The following ITPR3 variants were observed in gnomAD, a reference collection of about 807,000 sequenced individuals.
ITPR3 encodes inositol 1,4,5-trisphosphate receptor type 3, also known as inositol 1,4,5-trisphosphate-gated calcium channel ITPR3.
A neutral mutation model predicts 293.2 loss-of-function variants in ITPR3; 173 were observed. That is an observed-to-expected ratio of 0.59 (90% CI 0.52 to 0.67). The LOEUF (loss-of-function observed/expected upper bound fraction) is 0.67. ITPR3 is among the 30% of genes least tolerant of loss of function. The probability of loss-of-function intolerance (pLI) is 0.00; values close to 1 mark genes in which losing one functional copy is unlikely to be tolerated. For missense variants in ITPR3, 2,796 were observed against 3,592.1 expected (o/e 0.78, Z 5.66); for synonymous variants, 1,295 against 1,444.4 (o/e 0.90, Z 2.35).
intron 1 of ITPR3, among the ~76,000 whole-genome samples, chr6:33,628,125 C>T (rs1222882817): frequency 6.6e-6 from 1 of 152,228 alleles, no homozygotes; most frequent in African/African-American, 2.4e-5. Flanking sequence ...TGGGGCCACA[C>T]CAGCTTTCTG....
intron 24 of ITPR3, among the ~76,000 whole-genome samples, chr6:33,674,838 G>C (rs190252515): frequency 6.2e-4 from 95 of 152,290 alleles, no homozygotes; most frequent in African/African-American, 2.0e-3. Context: ...TTACTAATAC[G>C]TAAAGTAGCG....
intron 7 of ITPR3, 77 bp from the exon 8 acceptor site, chr6:33,662,451 G>C (rs1228176917): frequency 4.7e-6 from 7 of 1,492,160 alleles, no homozygotes; most frequent in Non-Finnish European, 5.4e-6. Context: ...GTCTGAGGCA[G>C]GTGGGGCTGG....
Position 33,664,944 on chromosome 6 carries a change from A to G in ITPR3, c.1223A>G (p.Glu408Gly). 2.0e-6 allele frequency: 3 copies of G among 1,521,916 alleles called. No individual in the cohort carries two copies. The highest frequency in any genetic ancestry group is 3.0e-5 in the African/African-American group (2 of 67,738). The allele number at this position is 1,521,916 out of a possible 1,614,324, so 94.3% of individuals were successfully genotyped here. A position where few individuals can be genotyped will look rare whatever the true frequency, so the allele number is the denominator to read the frequency against. ...AGCACCAATGTGCCCATTGACATCGAGGAGGAGCGGCCCATCCGGCTCATG... is the reference window on the plus strand; with the variant it reads ...AGCACCAATGTGCCCATTGACATCGGGGAGGAGCGGCCCATCCGGCTCATG... ...IQSTNVPIDI[E>G]EERPIRLMLG... Residue 408 changes from glutamate to glycine, a missense_variant, in exon 12 of 58, where the codon GAG (glutamate) becomes GGG (glycine). Glu to Gly is a moderately conservative substitution (Grantham distance 98). Transcript: ENST00000605930. This position sits in a 1 kb window ranked among gnomAD's most constrained non-coding sequence, Gnocchi z 4.4.
In ITPR3 at chr6:33,654,987, T is replaced by G. The variant is rs932301821; in HGVS notation, c.161-779T>G. Among the ~76,000 whole-genome samples the G allele has an allele frequency of 6.6e-6, 1 of 152,240 alleles. No homozygotes were observed. The highest frequency in any genetic ancestry group is 1.5e-5 in the Non-Finnish European group (1 of 68,034). On this transcript the variant is annotated intron_variant, in intron 2 of 57. Coordinates refer to ENST00000605930, the MANE Select transcript of ITPR3 (RefSeq NM_002224.4). This position sits in a 1 kb window ranked among gnomAD's most constrained non-coding sequence, Gnocchi z 4.1. ...AAAAATTGGACACCCTTCCTGCAGCTTAGGCTTATGGGAATGACACTTGTT... is the reference window on the plus strand; with the variant it reads ...AAAAATTGGACACCCTTCCTGCAGCGTAGGCTTATGGGAATGACACTTGTT...
rs1012497243 is a variant in ITPR3, at chr6:33,664,101, T to C, written c.1148+221T>C. Among the ~76,000 whole-genome samples the C allele has an allele frequency of 2.0e-5, 3 of 152,234 alleles. No homozygotes were observed. Among genetic ancestry groups the C allele is most frequent in the Non-Finnish European group, 2.9e-5 (2 of 68,038 alleles). On this transcript the variant is annotated intron_variant, in intron 11 of 57. Transcript: ENST00000605930. The surrounding 1 kb of genome is among the most constrained non-coding windows in gnomAD (Gnocchi z 4.4). ...TGCCTGGCGCCTGCCCCAGTTGGTC[T>C]GGGTGCTCAAGCACAGGCTGCATGG...
In ITPR3 at chr6:33,680,636, G is replaced by T; in HGVS notation, c.4432G>T (p.Ala1478Ser). The change falls in exon 33 of 58, where the codon GCC becomes TCC. Residue 1478 changes from alanine (A) to serine (S), a missense_variant. Coordinates refer to ENST00000605930, the MANE Select transcript of ITPR3 (RefSeq NM_002224.4). ...GAGCGTTGTGCTGGACACCATCAACGCCTTCTTCAGCTCCCCATTCTCTGA... is the reference window on the plus strand; with the variant it reads ...GAGCGTTGTGCTGGACACCATCAACTCCTTCTTCAGCTCCCCATTCTCTGA... Reference protein sequence around the residue: ...VLSVVLDTINAFFSSPFSENS... With the variant: ...VLSVVLDTINSFFSSPFSENS... 2 of 1,614,054 alleles carry T rather than the reference G, an allele frequency of 1.2e-6. No individual in the cohort carries two copies. Among genetic ancestry groups the T allele is most frequent in the Non-Finnish European group, 1.7e-6 (2 of 1,179,978 alleles).
intron 6 of ITPR3, 101 bp downstream of exon 6, chr6:33,659,220 T>C: frequency 1.7e-6 from 2 of 1,160,532 alleles, no homozygotes; most frequent in South Asian, 1.3e-5. Flanking sequence ...TCCAGCCCCA[T>C]CTGACCTGCC....
Position 33,672,456 on chromosome 6 carries a change from C to T in ITPR3, c.2928+228C>T, listed in dbSNP as rs1003572295. ...ATTCTCGGTTGTGCGCAGTGACTCA[C>T]GCCTGTAATCCCAGTGCTTTGGGAG... On this transcript the variant is annotated intron_variant, in intron 22 of 57. Transcript: ENST00000605930. The surrounding 1 kb of genome is among the most constrained non-coding windows in gnomAD (Gnocchi z 5.0). Among the ~76,000 whole-genome samples, 2 of 152,114 alleles carry T rather than the reference C, an allele frequency of 1.3e-5. No individual in the cohort carries two copies. The highest frequency in any genetic ancestry group is 2.1e-4 in the South Asian group (1 of 4,822).
rs531970762 is a variant in ITPR3 at position 33,677,719 on chromosome 6, C to T, written c.3648+90C>T. The T allele has an allele frequency of 1.6e-4, 231 of 1,482,282 alleles. No individual in the cohort carries two copies. The East Asian group carries it at 2.1e-3, about 13-fold the overall frequency. 91.8% of individuals were successfully genotyped at this position (1,482,282 alleles called of 1,614,324 possible). On this transcript the variant is annotated intron_variant, in intron 28 of 57. Transcript: ENST00000605930. ...TATGCTAGGCCCTAATGCAGGCAACCTCTCCCAGCCTCGCCTGGCCTCTTA... is the reference window on the plus strand; with the variant it reads ...TATGCTAGGCCCTAATGCAGGCAACTTCTCCCAGCCTCGCCTGGCCTCTTA...
chr6:33,663,335 A>G (rs986742228), intron 9 of ITPR3, among the ~76,000 whole-genome samples, 165 bp from the exon 10 acceptor site: 1 of 151,994 alleles, frequency 6.6e-6, no homozygotes, highest in African/African-American at 2.4e-5. Context: ...GGTTCTATGG[A>G]GAGGGGCCAT....
intron 1 of ITPR3, among the ~76,000 whole-genome samples, chr6:33,629,260 C>T (rs1162342432): frequency 6.6e-6 from 1 of 152,050 alleles, no homozygotes; most frequent in African/African-American, 2.4e-5. Context: ...ATTATACATC[C>T]CTATGTAACT....
intron 1 of ITPR3, 96 bp from the exon 2 acceptor site, chr6:33,640,388 G>A (rs1210510982): frequency 2.1e-5 from 23 of 1,092,814 alleles, no homozygotes; most frequent in Non-Finnish European, 2.7e-5. Context: ...TATCTTAGGG[G>A]CTCACTGGTA....
intron 57 of ITPR3, 104 bp downstream of exon 57, chr6:33,695,189 G>A (rs1247460788): frequency 3.1e-6 from 4 of 1,303,638 alleles, no homozygotes; most frequent in Non-Finnish European, 4.2e-6. Context: ...CTGGCCTCTG[G>A]CCCTGGGCCT....
intron 2 of ITPR3, among the ~76,000 whole-genome samples, chr6:33,642,716 A>G (rs1221192167): frequency 2.6e-5 from 4 of 151,890 alleles, no homozygotes; most frequent in African/African-American, 9.7e-5. Context: ...CCATTTTCCC[A>G]AAGCCTGTGA....
chr6:33,664,189 C>T lies in ITPR3; in HGVS notation c.1148+309C>T, dbSNP rs1375785327. Among the ~76,000 whole-genome samples, 1 of 152,236 alleles carries T rather than the reference C, an allele frequency of 6.6e-6. No individual in the cohort carries two copies. The highest frequency in any genetic ancestry group is 6.5e-5 in the Admixed American group (1 of 15,288). On this transcript the variant is annotated intron_variant, in intron 11 of 57. Transcript: ENST00000605930. The surrounding 1 kb of genome is among the most constrained non-coding windows in gnomAD (Gnocchi z 4.4). ...ACACTGGATGGGAAGGCCAGACTCT[C>T]TGGCCTTTGAGGTCCCGCCAACCCC...
At chr6:33,641,729 G>A (rs2151291227) in intron 2 of ITPR3, among the ~76,000 whole-genome samples, 1 of 151,980 alleles carries the variant, frequency 6.6e-6, no homozygotes, top group Admixed American at 6.6e-5. Flanking sequence ...ATTCCTCACA[G>A]TCACCAGCAA....
chr6:33,670,554 C>A lies in ITPR3; in HGVS notation c.2419C>A (p.Pro807Thr). The change falls in exon 19 of 58, where the codon CCC becomes ACC. Residue 807 changes from proline to threonine, a missense_variant. Coordinates refer to ENST00000605930, the MANE Select transcript of ITPR3 (RefSeq NM_002224.4). This position sits in a 1 kb window ranked among gnomAD's most constrained non-coding sequence, Gnocchi z 6.7. ...VKFARLWTEI[P>T]TAITIKDYDS... Reference sequence around the variant, plus strand: ...GTTTGCCCGTCTCTGGACTGAGATCCCCACAGCCATCACCATCAAGGAGTG... The same window carrying A: ...GTTTGCCCGTCTCTGGACTGAGATCACCACAGCCATCACCATCAAGGAGTG... 6.2e-7 allele frequency: 1 copy of A among 1,613,406 alleles called. No homozygotes were observed. The highest frequency in any genetic ancestry group is 8.5e-7 in the Non-Finnish European group (1 of 1,179,872).
chr6:33,643,536 G>T (rs151333199), intron 2 of ITPR3, among the ~76,000 whole-genome samples: 5 of 152,350 alleles, frequency 3.3e-5, no homozygotes, highest in Admixed American at 6.5e-5. Flanking sequence ...ACTCTGCCTG[G>T]CTGTAACGTT....
chr6:33,623,856 A>G (rs906097728), intron 1 of ITPR3, among the ~76,000 whole-genome samples: 1 of 151,842 alleles, frequency 6.6e-6, no homozygotes, highest in Non-Finnish European at 1.5e-5. Flanking sequence ...AACACCTCCA[A>G]CATCTCCTGA....
Sources: allele counts gnomAD v4.1 joint callset (sites outside exome capture counted in the v4.1 genomes callset), GRCh38; gene constraint gnomAD v4.1.1; non-coding constraint Gnocchi (gnomAD v3.1); transcripts MANE v1.5; gene names NCBI Gene and HGNC (gene_info 2026-07-23, HGNC 2026-07-21).